AUTS2: variants seen among roughly 807,000 people sequenced by gnomAD.
AUTS2 encodes autism susceptibility gene 2 protein.
AUTS2 carries 17 observed loss-of-function variants against 112.4 expected under a neutral mutation model. That is an observed-to-expected ratio of 0.15 (90% CI 0.10 to 0.23). AUTS2 has a LOEUF of 0.23. Ranked by LOEUF, AUTS2 falls within the 10% of genes least tolerant of loss-of-function variation. The pLI is 1.00. For synonymous variants in AUTS2, 751 were observed against 702.7 expected, an observed-to-expected ratio of 1.07 and a Z score of -1.09; for missense variants, 1,510 against 1,701.6, an observed-to-expected ratio of 0.89 and a Z score of 1.98.
intron 1 of AUTS2, among the ~76,000 whole-genome samples, chr7:69,888,754 A>C (rs1794393720): frequency 6.6e-6 from 1 of 151,304 alleles, no homozygotes. Flanking sequence ...TTTGTATTTT[A>C]GTAGAGACGG....
chr7:70,093,316 C>T (rs1804019196), intron 2 of AUTS2, among the ~76,000 whole-genome samples: 1 of 152,162 alleles, frequency 6.6e-6, no homozygotes, highest in Non-Finnish European at 1.5e-5. Flanking sequence ...CTGCTGCCTC[C>T]ATTCATCGTG....
intron 1 of AUTS2, among the ~76,000 whole-genome samples, chr7:69,611,639 A>T (rs1043341309): frequency 3.9e-5 from 6 of 152,210 alleles, no homozygotes; most frequent in African/African-American, 1.2e-4. Flanking sequence ...ATCATTTTTT[A>T]AAAATTGTAG....
chr7:69,730,019 T>TTTTTTTTTTTAA, intron 1 of AUTS2, among the ~76,000 whole-genome samples: 1 of 132,100 alleles, frequency 7.6e-6, no homozygotes, highest in South Asian at 2.3e-4. Context: ...TTTTTTTTTT[T>TTTTTTTTTTTAA]AGAAACTAGG....
At chr7:69,692,322 T>C (rs1410759562) in intron 1 of AUTS2, among the ~76,000 whole-genome samples, 1 of 152,214 alleles carries the variant, frequency 6.6e-6, no homozygotes, top group Non-Finnish European at 1.5e-5. Context: ...GAAACACTTA[T>C]CATTTTAAAG....
At chr7:69,977,493 T>A (rs1206679314) in intron 2 of AUTS2, among the ~76,000 whole-genome samples, 1 of 152,220 alleles carries the variant, frequency 6.6e-6, no homozygotes, top group East Asian at 1.9e-4. Flanking sequence ...GGGATTTTGA[T>A]AGAGATTGTA....
intron 2 of AUTS2, among the ~76,000 whole-genome samples, chr7:70,037,585 A>T (rs1406167181): frequency 6.6e-6 from 1 of 152,140 alleles, no homozygotes; most frequent in Non-Finnish European, 1.5e-5. Flanking sequence ...TTTTTATATA[A>T]TTTTTTGGTA....
chr7:69,923,869 T>A (rs1795907026), intron 2 of AUTS2, among the ~76,000 whole-genome samples: 1 of 152,192 alleles, frequency 6.6e-6, no homozygotes, highest in Non-Finnish European at 1.5e-5. Context: ...ATTTTCTACA[T>A]GGATGATCAT....
intron 4 of AUTS2, among the ~76,000 whole-genome samples, chr7:70,277,954 ATGTATG>A (rs375634861): frequency 1.6e-4 from 22 of 140,602 alleles, no homozygotes; most frequent in Middle Eastern, 3.9e-3. Flanking sequence ...GTGTGTATGT[ATGTATG>A]TGTGTGTGTG....
At chr7:70,515,146 G>A (rs1343052377) in intron 5 of AUTS2, among the ~76,000 whole-genome samples, 4 of 152,172 alleles carry the variant, frequency 2.6e-5, no homozygotes, top group African/African-American at 9.7e-5. Flanking sequence ...GTGATGCTCA[G>A]GAGTTAAGAG....
chr7:70,475,560 C>G (rs1797549652), intron 5 of AUTS2, among the ~76,000 whole-genome samples: 1 of 152,156 alleles, frequency 6.6e-6, no homozygotes. Flanking sequence ...GTTAATTTTC[C>G]CCACAGTGCC....
At chr7:70,628,178 A>T (rs1451682707) in intron 5 of AUTS2, among the ~76,000 whole-genome samples, 1 of 152,168 alleles carries the variant, frequency 6.6e-6, no homozygotes, top group Non-Finnish European at 1.5e-5. Flanking sequence ...CAAAGAGGTA[A>T]GCAGAGGCCA....
chr7:70,403,397 C>T (rs1794406369), intron 4 of AUTS2, among the ~76,000 whole-genome samples: 1 of 152,224 alleles, frequency 6.6e-6, no homozygotes, highest in Admixed American at 6.5e-5. Flanking sequence ...CTGCCACTCT[C>T]AGTACAGGTT....
intron 5 of AUTS2, among the ~76,000 whole-genome samples, chr7:70,538,170 A>G (rs1403903527): frequency 6.6e-6 from 1 of 152,060 alleles, no homozygotes; most frequent in Non-Finnish European, 1.5e-5. Context: ...TCAGGGCATC[A>G]AGTCTGTAAT....
intron 4 of AUTS2, among the ~76,000 whole-genome samples, chr7:70,354,768 A>G (rs1018001257): frequency 2.6e-5 from 4 of 152,244 alleles, no homozygotes; most frequent in Non-Finnish European, 5.9e-5. Context: ...AAAATAGCGT[A>G]AAATGTCTCG....
At chr7:70,212,207 G>A (rs898891267) in intron 4 of AUTS2, among the ~76,000 whole-genome samples, 1 of 152,176 alleles carries the variant, frequency 6.6e-6, no homozygotes, top group African/African-American at 2.4e-5. Flanking sequence ...ATAAATTGAT[G>A]CCAAATTTAG....
intron 4 of AUTS2, among the ~76,000 whole-genome samples, chr7:70,149,589 T>C (rs1807317577): frequency 6.6e-6 from 1 of 152,058 alleles, no homozygotes; most frequent in East Asian, 1.9e-4. Flanking sequence ...CTTATGCACC[T>C]TCATAAATTG....
chr7:70,391,719 A>G lies in AUTS2; in HGVS notation c.661-44033A>G, dbSNP rs535110588. Among the ~76,000 whole-genome samples the G allele has an allele frequency of 3.9e-5, 6 of 152,336 alleles. No homozygotes were observed. The East Asian group carries it at 1.2e-3, about 29-fold the overall frequency. On this transcript the variant is annotated intron_variant, in intron 4 of 18. Coordinates refer to ENST00000342771, the MANE Select transcript of AUTS2 (RefSeq NM_015570.4). ...AATAAAAAGCAGCAAATTAAGACAT[A>G]TTTGACACCTACTACGTGGCATACA... is the stretch of plus-strand genomic sequence containing the variant.
intron 4 of AUTS2, among the ~76,000 whole-genome samples, chr7:70,198,422 C>T (rs546250690): frequency 6.6e-6 from 1 of 151,716 alleles, no homozygotes; most frequent in South Asian, 2.1e-4. Context: ...AAACCAAAGG[C>T]AAAGAAGTTG....
chr7:69,720,620 G>A lies in AUTS2; in HGVS notation c.309+120658G>A, dbSNP rs1455478868. On this transcript the variant is annotated intron_variant, in intron 1 of 18. Coordinates refer to ENST00000342771, the MANE Select transcript of AUTS2 (RefSeq NM_015570.4). Reference sequence around the variant, plus strand: ...CATATTAGATTTGTTTAAACCAAAGGTATTTTTCTTTGAAATGAAATAATT... The same window carrying A: ...CATATTAGATTTGTTTAAACCAAAGATATTTTTCTTTGAAATGAAATAATT... 2.0e-5 allele frequency among the ~76,000 whole-genome samples: 3 copies of A among 152,152 alleles called. No individual in the cohort carries two copies. The East Asian group carries it at 5.8e-4, about 29-fold the overall frequency.
Sources: gnomAD v4.1 joint callset for allele counts (sites outside exome capture counted in the v4.1 genomes callset) on GRCh38, gnomAD v4.1.1 for gene constraint, MANE v1.5 for transcripts, NCBI Gene and HGNC (gene_info 2026-07-23, HGNC 2026-07-21) for gene names.